MORN1: variants seen among roughly 807,000 people sequenced by gnomAD.
MORN1 encodes MORN repeat-containing protein 1.
In MORN1, 67 loss-of-function variants were observed where a neutral mutation model predicts 61.9. That is an observed-to-expected ratio of 1.08 (90% CI 0.89 to 1.33). MORN1 has a LOEUF of 1.33. Among genes scored for constraint, MORN1 ranks in the 40% most tolerant of loss-of-function variants. MORN1 has a pLI of 0.00. For synonymous variants in MORN1, 301 were observed against 292.0 expected, an observed-to-expected ratio of 1.03 and a Z score of -0.31; for missense variants, 752 against 691.2, an observed-to-expected ratio of 1.09 and a Z score of -0.99.
chr1:2,328,556 C>T (rs1641083298), intron 12 of MORN1, among the ~76,000 whole-genome samples: 1 of 152,160 alleles, frequency 6.6e-6, no homozygotes, highest in African/African-American at 2.4e-5. Flanking sequence ...AGAGAAGGGC[C>T]CAGGCTCCCC....
At chr1:2,322,296 C>T in intron 13 of MORN1, 1 of 985,428 alleles carries the variant, frequency 1.0e-6, no homozygotes, top group Non-Finnish European at 1.2e-6. Flanking sequence ...GGGGCTGGCA[C>T]CGGAGCGTGG....
intron 10 of MORN1, chr1:2,352,370 G>A (rs924906672): frequency 1.9e-5 from 3 of 157,274 alleles, no homozygotes; most frequent in South Asian, 2.0e-4. Flanking sequence ...GCTGGGGAGG[G>A]AGATCACCTC....
At chr1:2,379,194 T>G (rs997164168) in intron 6 of MORN1, 3 of 470,256 alleles carry the variant, frequency 6.4e-6, no homozygotes, top group Non-Finnish European at 1.3e-5. Context: ...GATGTCTCCT[T>G]GAGTTTCTCC....
At chr1:2,367,370 A>C (rs1210065257) in intron 8 of MORN1, among the ~76,000 whole-genome samples, 1 of 151,582 alleles carries the variant, frequency 6.6e-6, no homozygotes, top group Non-Finnish European at 1.5e-5. Context: ...CTGTGATCCC[A>C]GTATTTTGGG....
intron 8 of MORN1, among the ~76,000 whole-genome samples, chr1:2,361,522 C>T (rs1367596228): frequency 2.0e-5 from 3 of 149,456 alleles, no homozygotes; most frequent in Admixed American, 6.7e-5. Context: ...TGTACTACTG[C>T]ACTCCAGCCT....
intron 12 of MORN1, among the ~76,000 whole-genome samples, chr1:2,330,216 T>C (rs1295334901): frequency 2.6e-5 from 4 of 152,116 alleles, no homozygotes. Context: ...GGACTCACGC[T>C]CAGAGAACGG....
Position 2,360,379 on chromosome 1 carries a change from T to C in MORN1, c.746-1664A>G, listed in dbSNP as rs913049099. 2.5e-4 allele frequency among the ~76,000 whole-genome samples: 38 copies of C among 152,260 alleles called. 1 individual carries two copies. The highest frequency in any genetic ancestry group is 8.3e-4 in the South Asian group (4 of 4,826). On this transcript the variant is annotated intron_variant, in intron 8 of 13. Coordinates refer to ENST00000378531, the MANE Select transcript of MORN1 (RefSeq NM_024848.3). ...CCGACAAAGTGCAATGAAATTGATA[T>C]CAGGATCCCGGACACCAGGCAACTC...
At chr1:2,332,270 A>G (rs962532391) in intron 12 of MORN1, 5 of 237,248 alleles carry the variant, frequency 2.1e-5, no homozygotes, top group Non-Finnish European at 4.2e-5. Flanking sequence ...GTGCAGCTGC[A>G]CGAAGGGGAC....
intron 12 of MORN1, among the ~76,000 whole-genome samples, chr1:2,327,598 C>T (rs927877164): frequency 1.1e-4 from 16 of 152,372 alleles, no homozygotes; most frequent in East Asian, 3.8e-4. Context: ...GAGGCTCCAT[C>T]GCTGTCACCA....
chr1:2,383,973 T>A (rs1464069495), intron 6 of MORN1, among the ~76,000 whole-genome samples: 1 of 152,228 alleles, frequency 6.6e-6, no homozygotes, highest in African/African-American at 2.4e-5. Flanking sequence ...AGGGTCTGTC[T>A]CCGGGCCCCC....
intron 8 of MORN1, among the ~76,000 whole-genome samples, chr1:2,365,606 T>C (rs1641981646): frequency 6.7e-6 from 1 of 148,876 alleles, no homozygotes; most frequent in Non-Finnish European, 1.5e-5. Flanking sequence ...TGAATAGGAG[T>C]GGTGAGAGAG....
At chr1:2,336,409 C>A (rs1001989947) in intron 12 of MORN1, 60 bp downstream of exon 12, 13 of 1,542,166 alleles carry the variant, frequency 8.4e-6, no homozygotes, top group African/African-American at 1.4e-5. Context: ...CCTGGCCCAG[C>A]TGATGAGGAG....
chr1:2,380,123 G>A (rs1642338238), intron 6 of MORN1, among the ~76,000 whole-genome samples: 1 of 152,306 alleles, frequency 6.6e-6, no homozygotes, highest in African/African-American at 2.4e-5. Flanking sequence ...ACCGCGCCGG[G>A]TGAAACAAGC....
chr1:2,368,188 T>C (rs7545940), intron 8 of MORN1, among the ~76,000 whole-genome samples: 56,446 of 152,200 alleles, frequency 0.37, 10,586 homozygotes, highest in South Asian at 0.45. Context: ...TCTTACGACA[T>C]CTTGATGCAG....
At chr1:2,322,716 T>G (rs1640909858) in intron 13 of MORN1, 1 of 985,436 alleles carries the variant, frequency 1.0e-6, no homozygotes. Flanking sequence ...CAGCCCGGTT[T>G]CTAGGTGTTC....
intron 8 of MORN1, among the ~76,000 whole-genome samples, chr1:2,370,791 A>G (rs1336657891): frequency 6.6e-6 from 1 of 151,436 alleles, no homozygotes; most frequent in African/African-American, 2.4e-5. Flanking sequence ...GACTCTCCCA[A>G]TTTCAGCCTT....
intron 6 of MORN1, chr1:2,375,196 C>G (rs1642206771): frequency 6.6e-6 from 1 of 152,330 alleles, no homozygotes; most frequent in East Asian, 1.9e-4. Flanking sequence ...TCATTTGACT[C>G]TGAATTACTT....
intron 8 of MORN1, among the ~76,000 whole-genome samples, chr1:2,361,487 G>A (rs2100313865): frequency 6.6e-6 from 1 of 152,160 alleles, no homozygotes; most frequent in African/African-American, 2.4e-5. Flanking sequence ...GAACCTGGGA[G>A]GTGGAGGTTG....
chr1:2,340,962 A>G (rs971853973), intron 10 of MORN1, among the ~76,000 whole-genome samples: 2 of 152,216 alleles, frequency 1.3e-5, no homozygotes, highest in East Asian at 3.9e-4. Flanking sequence ...AGACCGTGAT[A>G]CCAGCCACGA....
Sources: allele counts gnomAD v4.1 joint callset (sites outside exome capture counted in the v4.1 genomes callset), GRCh38; gene constraint gnomAD v4.1.1; transcripts MANE v1.5; gene names NCBI Gene and HGNC (gene_info 2026-07-23, HGNC 2026-07-21).